FHIT: variants seen among roughly 807,000 people sequenced by gnomAD.
The protein encoded by FHIT is bis(5'-adenosyl)-triphosphatase.
FHIT carries 19 observed loss-of-function variants against 17.9 expected under a neutral mutation model. That is an observed-to-expected ratio of 1.06 (90% CI 0.74 to 1.56). The LOEUF is 1.56. Among genes scored for constraint, FHIT ranks in the 40% most tolerant of loss-of-function variants. The pLI is 0.00. For missense variants in FHIT, 248 were observed against 189.2 expected (o/e 1.31, Z -1.82); for synonymous variants, 81 against 69.7 (o/e 1.16, Z -0.81).
intron 5 of FHIT, among the ~76,000 whole-genome samples, chr3:60,105,793 T>C (rs1452237871): frequency 6.6e-6 from 1 of 151,954 alleles, no homozygotes; most frequent in African/African-American, 2.4e-5. Flanking sequence ...TATTTTACTT[T>C]TACTCTAAAA....
rs142685068 is a variant in FHIT at position 60,331,389 on chromosome 3, C to A, written c.103+205471G>T. Among the ~76,000 whole-genome samples the A allele has an allele frequency of 5.6e-3, 855 of 152,232 alleles. 11 individuals are homozygous for A. Among genetic ancestry groups the A allele is most frequent in the African/African-American group, 0.02 (810 of 41,532 alleles). The stretch of plus-strand genomic sequence containing the variant: ...TACATTATAACTGCCCTTTTCATAT[C>A]TCTTTCCCATCAGACCTTAGTCACC... On this transcript the variant is annotated intron_variant, in intron 5 of 9. Transcript: ENST00000492590.
intron 7 of FHIT, among the ~76,000 whole-genome samples, chr3:59,925,374 G>A (rs1012367645): frequency 6.6e-6 from 1 of 152,172 alleles, no homozygotes; most frequent in Non-Finnish European, 1.5e-5. Flanking sequence ...CCAAGTAGCT[G>A]AGATTATAGG....
intron 4 of FHIT, among the ~76,000 whole-genome samples, chr3:60,594,970 T>C (rs1231969433): frequency 6.6e-6 from 1 of 152,098 alleles, no homozygotes; most frequent in Admixed American, 6.6e-5. Context: ...TCCTTCTTCC[T>C]GGACCTTTTG....
intron 5 of FHIT, among the ~76,000 whole-genome samples, chr3:60,037,024 G>A (rs1701245463): frequency 1.3e-5 from 2 of 152,224 alleles, no homozygotes; most frequent in African/African-American, 4.8e-5. Context: ...AAAAGGAGAA[G>A]TGTGTGCTAA....
At chr3:60,214,515 C>A (rs1703606893) in intron 5 of FHIT, among the ~76,000 whole-genome samples, 1 of 152,142 alleles carries the variant, frequency 6.6e-6, no homozygotes, top group Admixed American at 6.5e-5. Flanking sequence ...AAAAGCCACA[C>A]CATGCTGGTG....
rs200535272 is a variant in FHIT, at chr3:60,789,179, G to T, written c.-18+32740C>A. On this transcript the variant is annotated intron_variant, in intron 4 of 9. Transcript: ENST00000492590. ...GTGTATATATATATATATATATAGAGAGAGAGAGAGAGAGAGAGAGACAGA... is the reference window on the plus strand; with the variant it reads ...GTGTATATATATATATATATATAGATAGAGAGAGAGAGAGAGAGAGACAGA... 7.0e-3 allele frequency among the ~76,000 whole-genome samples: 658 copies of T among 93,454 alleles called. 5 individuals carry two copies. Among genetic ancestry groups the T allele is most frequent in the East Asian group, 0.019 (82 of 4,336 alleles). 61.3% of individuals were successfully genotyped at this position (93,454 alleles called of 152,430 possible).
intron 8 of FHIT, among the ~76,000 whole-genome samples, chr3:59,852,699 C>T (rs1305852627): frequency 6.6e-6 from 1 of 152,188 alleles, no homozygotes; most frequent in Non-Finnish European, 1.5e-5. Context: ...CCCTCCTAAT[C>T]CTTGGCAACC....
At chr3:61,233,892 A>G (rs1307891485) in intron 1 of FHIT, among the ~76,000 whole-genome samples, 4 of 152,214 alleles carry the variant, frequency 2.6e-5, no homozygotes, top group Non-Finnish European at 5.9e-5. Flanking sequence ...GACATCTCTG[A>G]GCTGCTGAAC....
chr3:60,056,800 A>G (rs985137527), intron 5 of FHIT, among the ~76,000 whole-genome samples: 4 of 152,220 alleles, frequency 2.6e-5, no homozygotes, highest in African/African-American at 9.6e-5. Flanking sequence ...AGGGGCCAAT[A>G]CTTTTATCCT....
intron 5 of FHIT, among the ~76,000 whole-genome samples, chr3:60,429,756 T>A (rs1702806483): frequency 6.6e-6 from 1 of 152,072 alleles, no homozygotes; most frequent in African/African-American, 2.4e-5. Flanking sequence ...ATTTTATGTA[T>A]AATAGTTGAC....
intron 1 of FHIT, among the ~76,000 whole-genome samples, chr3:61,222,236 G>C (rs890221862): frequency 6.6e-6 from 1 of 152,182 alleles, no homozygotes; most frequent in Non-Finnish European, 1.5e-5. Flanking sequence ...GGCAGAACAA[G>C]GTTGGCATGG....
chr3:60,854,422 C>T lies in FHIT; in HGVS notation c.-110-32411G>A, dbSNP rs1453878936. ...ACCAACAGCCCAACAGTGATTTAAA[C>T]ACAGAAAGCTTTCTTTTCCGGATAT... On this transcript the variant is annotated intron_variant, in intron 3 of 9. Transcript: ENST00000492590. 7.2e-5 allele frequency among the ~76,000 whole-genome samples: 11 copies of T among 152,098 alleles called. No homozygotes were observed. The East Asian group carries it at 2.1e-3, about 29-fold the overall frequency.
chr3:60,031,702 T>A (rs1367521741), intron 5 of FHIT, among the ~76,000 whole-genome samples: 1 of 152,120 alleles, frequency 6.6e-6, no homozygotes, highest in Non-Finnish European at 1.5e-5. Context: ...TATAACTGAC[T>A]CATGCAAAAT....
At chr3:61,149,818 T>C (rs1163098541) in intron 2 of FHIT, among the ~76,000 whole-genome samples, 1 of 152,146 alleles carries the variant, frequency 6.6e-6, no homozygotes, top group East Asian at 1.9e-4. Flanking sequence ...AGTTAGAGGC[T>C]GCAATGGGCC....
At chr3:60,403,392 A>C (rs1208391034) in intron 5 of FHIT, among the ~76,000 whole-genome samples, 1 of 152,156 alleles carries the variant, frequency 6.6e-6, no homozygotes, top group East Asian at 1.9e-4. Context: ...ATGGATGTGC[A>C]CATCGCTGCT....
intron 4 of FHIT, among the ~76,000 whole-genome samples, chr3:60,635,159 G>A (rs782409926): frequency 1.3e-5 from 2 of 152,154 alleles, no homozygotes; most frequent in Non-Finnish European, 2.9e-5. Context: ...TAATTTCTTT[G>A]TTCCTTATTA....
At chr3:60,370,443 C>T (rs1047897726) in intron 5 of FHIT, among the ~76,000 whole-genome samples, 1 of 152,066 alleles carries the variant, frequency 6.6e-6, no homozygotes. Flanking sequence ...CTAAAGATGC[C>T]CGTGTCAACA....
chr3:61,172,751 G>A lies in FHIT; in HGVS notation c.-164+27866C>T, dbSNP rs184497575. ...CACTGACACTGGAGCTTAAATCCAC[G>A]TGCCTAGAATGCTCCTCACTGCCCC... On this transcript the variant is annotated intron_variant, in intron 2 of 9. Coordinates refer to ENST00000492590, the MANE Select transcript of FHIT (RefSeq NM_002012.4). Among the ~76,000 whole-genome samples the A allele has an allele frequency of 9.9e-4, 122 of 123,838 alleles. 2 individuals carry two copies. Among genetic ancestry groups the A allele is most frequent in the African/African-American group, 2.8e-3 (102 of 36,390 alleles). 81.2% of individuals were successfully genotyped at this position (123,838 alleles called of 152,430 possible).
rs182142990 is a variant in FHIT, at chr3:60,827,733, T to A, written c.-110-5722A>T. ...GGCGTTCAGCTAGGGAGCTGTGCAC[T>A]AAAATGGGATGGGTGATAAGAACAT... On this transcript the variant is annotated intron_variant, in intron 3 of 9. Transcript: ENST00000492590. Among the ~76,000 whole-genome samples, 11 of 152,314 alleles carry A rather than the reference T, an allele frequency of 7.2e-5. 1 individual carries two copies. The highest frequency in any genetic ancestry group is 2.6e-4 in the African/African-American group (11 of 41,566).
Sources: allele counts gnomAD v4.1 joint callset (sites outside exome capture counted in the v4.1 genomes callset), GRCh38; gene constraint gnomAD v4.1.1; transcripts MANE v1.5; gene names NCBI Gene and HGNC (gene_info 2026-07-23, HGNC 2026-07-21).